Variants in BTAF1 observed in about 807,000 individuals in gnomAD.
BTAF1 encodes the protein TATA-binding protein-associated factor 172.
Under a neutral mutation model 227.1 loss-of-function variants are expected in BTAF1, and 38 were observed. The observed-to-expected ratio is 0.17, with a 90% CI of 0.13 to 0.22. The LOEUF (loss-of-function observed/expected upper bound fraction) is 0.22, where lower values mean the gene tolerates loss of function less well. Ranked by LOEUF, BTAF1 falls within the 10% of genes least tolerant of loss-of-function variation. BTAF1 has a pLI of 1.00. For missense variants in BTAF1, 1,598 were observed against 2,204.0 expected (o/e 0.73, Z 5.51); for synonymous variants, 742 against 751.9 (o/e 0.99, Z 0.21).
intron 1 of BTAF1, among the ~76,000 whole-genome samples, chr10:91,924,381 C>G (rs939762219): frequency 1.3e-5 from 2 of 152,106 alleles, no homozygotes; most frequent in African/African-American, 4.8e-5. Flanking sequence ...TTCCCTCTTT[C>G]GATTCTAGGG....
chr10:91,940,412 T>C (rs982777888), intron 3 of BTAF1, among the ~76,000 whole-genome samples: 1 of 152,156 alleles, frequency 6.6e-6, no homozygotes, highest in South Asian at 2.1e-4. Flanking sequence ...GCTGGGAGAA[T>C]AGTATAGGGT....
chr10:91,944,214 C>G lies in BTAF1; in HGVS notation c.400+1646C>G, dbSNP rs145835669. 9.9e-5 allele frequency among the ~76,000 whole-genome samples: 15 copies of G among 151,880 alleles called. No individual in the cohort carries two copies. In the East Asian group the frequency reaches 2.1e-3, roughly 22 times the overall value. On this transcript the variant is annotated intron_variant, in intron 4 of 37. Transcript: ENST00000265990. ...TCTGATATGTAACCAGGATTGGGAACTGCAGTTTCTTGGGAACTCAGTTTT... is the reference window on the plus strand; with the variant it reads ...TCTGATATGTAACCAGGATTGGGAAGTGCAGTTTCTTGGGAACTCAGTTTT...
At chr10:92,003,179 G>C (rs959183226) in intron 25 of BTAF1, among the ~76,000 whole-genome samples, 1 of 150,852 alleles carries the variant, frequency 6.6e-6, no homozygotes. Context: ...AAGTTACGGC[G>C]TCCAACATGA....
intron 26 of BTAF1, 100 bp downstream of exon 26, chr10:92,008,375 G>T: frequency 3.4e-6 from 4 of 1,171,956 alleles, no homozygotes; most frequent in African/African-American, 1.6e-5. Flanking sequence ...ACAGAGTCTT[G>T]CTCTGTTGCC....
At chr10:91,942,675 GTAAA>G in intron 4 of BTAF1, 107 bp downstream of exon 4, 1 of 1,297,276 alleles carries the variant, frequency 7.7e-7, no homozygotes, top group Non-Finnish European at 1.1e-6. Context: ...GTCATGAAAT[GTAAA>G]TTAACTGAAG....
At chr10:91,931,946 A>G (rs1844301367) in intron 1 of BTAF1, among the ~76,000 whole-genome samples, 1 of 152,198 alleles carries the variant, frequency 6.6e-6, no homozygotes, top group Non-Finnish European at 1.5e-5. Context: ...TACCATCCAA[A>G]GTGGAAGAAG....
intron 22 of BTAF1, 103 bp downstream of exon 22, chr10:91,993,950 A>T: frequency 1.2e-6 from 1 of 841,164 alleles, no homozygotes; most frequent in Non-Finnish European, 1.6e-6. Context: ...CTACCTGTTT[A>T]TTCCAGACCA....
chr10:92,022,870 G>C (rs1851239711), intron 34 of BTAF1, among the ~76,000 whole-genome samples: 1 of 152,176 alleles, frequency 6.6e-6, no homozygotes, highest in Non-Finnish European at 1.5e-5. Flanking sequence ...TGTTTATTTG[G>C]AGGAATGTCT....
rs200656344 is a variant in BTAF1, at chr10:91,951,454, A to G, written c.452A>G (p.Lys151Arg). The change falls in exon 5 of 38, where the codon AAG becomes AGG. Residue 151 changes from lysine (K) to arginine (R), a missense_variant. Around this residue, in one of 10 missense-constraint regions of BTAF1, gnomAD observed 298 missense variants for 395.2 expected, o/e 0.75. Transcript: ENST00000265990. ...GCACGCCAACGAAAATTATTACAGA[A>G]GAAACTTGGCCTTAATATGGGAGAA... ...RIARQRKLLQ[K>R]KLGLNMGEAI... The G allele has an allele frequency of 6.2e-7, 1 of 1,613,200 alleles. No homozygotes were observed. Among genetic ancestry groups the G allele is most frequent in the East Asian group, 2.2e-5 (1 of 44,812 alleles).
At chr10:91,944,483 A>C (rs746041472) in intron 4 of BTAF1, among the ~76,000 whole-genome samples, 9 of 152,216 alleles carry the variant, frequency 5.9e-5, no homozygotes, top group Middle Eastern at 3.2e-3. Context: ...GGTTGTGATC[A>C]AGCAGTCTTT....
intron 15 of BTAF1, 56 bp from the exon 16 acceptor site, chr10:91,981,581 AAGTGTT>A: frequency 6.8e-7 from 1 of 1,464,890 alleles, no homozygotes; most frequent in Non-Finnish European, 9.1e-7. Context: ...TCCTAAAGAT[AAGTGTT>A]AGAGTTTATT....
Position 92,018,799 on chromosome 10 carries a change from G to A in BTAF1, c.4727G>A (p.Arg1576His), listed in dbSNP as rs1315803278. ...CTCTTGAAGGCATTACAGTACTTACGTAAACTGTGCAACCATCCAGCATTA... is the reference window on the plus strand; with the variant it reads ...CTCTTGAAGGCATTACAGTACTTACATAAACTGTGCAACCATCCAGCATTA... ...GHVFQALQYL[R>H]KLCNHPALVL... is the part of the protein sequence containing the mutation. Residue 1576 changes from arginine to histidine, a missense_variant, in exon 34 of 38, where the codon CGT (arginine) becomes CAT (histidine). Coordinates refer to ENST00000265990, the MANE Select transcript of BTAF1 (RefSeq NM_003972.3). The A allele has an allele frequency of 1.3e-6, 2 of 1,579,620 alleles. No homozygotes were observed. Among genetic ancestry groups the A allele is most frequent in the Non-Finnish European group, 1.7e-6 (2 of 1,167,978 alleles).
chr10:91,969,197 A>G (rs1847125365), intron 14 of BTAF1, among the ~76,000 whole-genome samples: 1 of 151,898 alleles, frequency 6.6e-6, no homozygotes, highest in African/African-American at 2.4e-5. Context: ...AAGCCCTTTT[A>G]TTCCTTATTA....
rs1846158976 is a variant in BTAF1 at position 91,957,119 on chromosome 10, C to G, written c.832-106C>G. The G allele has an allele frequency of 1.5e-5, 11 of 747,448 alleles. No individual in the cohort carries two copies. In the South Asian group the frequency reaches 2.0e-4, roughly 14 times the overall value. 46.3% of individuals were successfully genotyped at this position (747,448 alleles called of 1,614,324 possible). A position where few individuals can be genotyped will look rare whatever the true frequency, so the allele number is the denominator to read the frequency against. On this transcript the variant is annotated intron_variant, in intron 7 of 37. Coordinates refer to ENST00000265990, the MANE Select transcript of BTAF1 (RefSeq NM_003972.3). ...GTTAAAAAAATTAAATTTTTAAAAG[C>G]CTGATTGCTACTACTAGACCTAGAA...
chr10:91,962,597 T>C lies in BTAF1; in HGVS notation c.1323T>C (p.Asp441=). Residue 441 remains aspartate (D), a synonymous_variant, in exon 12 of 38, where the codon GAT becomes GAC. Coordinates refer to ENST00000265990, the MANE Select transcript of BTAF1 (RefSeq NM_003972.3). The part of the protein sequence containing the change: ...VLTRIIEGLQ[D]LDDDVRAVAA... ...CTAGAATAATTGAAGGACTCCAGGA[T>C]CTTGATGATGATGTCAGAGCTGTTG... The C allele has an allele frequency of 1.2e-6, 2 of 1,608,838 alleles. No individual in the cohort carries two copies. Among genetic ancestry groups the C allele is most frequent in the Non-Finnish European group, 1.7e-6 (2 of 1,175,936 alleles).
chr10:91,975,088 G>A (rs546227060), intron 14 of BTAF1, among the ~76,000 whole-genome samples: 2 of 152,144 alleles, frequency 1.3e-5, no homozygotes, highest in Non-Finnish European at 2.9e-5. Flanking sequence ...ACTGGTAACT[G>A]TTGTTGCCAG....
intron 11 of BTAF1, 85 bp downstream of exon 11, chr10:91,960,239 A>G (rs540646789): frequency 7.2e-7 from 1 of 1,395,178 alleles, no homozygotes; most frequent in South Asian, 1.4e-5. Context: ...AAATGGCCGT[A>G]GATTCTTACT....
At chr10:91,936,424 C>CCCAGATATGGGGAGCAATATGATTGT (rs2133796275) in intron 2 of BTAF1, among the ~76,000 whole-genome samples, 1 of 152,214 alleles carries the variant, frequency 6.6e-6, no homozygotes, top group East Asian at 1.9e-4. Flanking sequence ...AATATGATTG[C>CCCAGATATGGGGAGCAATATGATTGT]CCAGATATAG....
At chr10:91,974,173 G>C (rs1847522604) in intron 14 of BTAF1, among the ~76,000 whole-genome samples, 1 of 152,152 alleles carries the variant, frequency 6.6e-6, no homozygotes, top group Non-Finnish European at 1.5e-5. Context: ...AATTTTTCAA[G>C]GTCAGACTTG....
Sources: gnomAD v4.1 joint callset for allele counts (sites outside exome capture counted in the v4.1 genomes callset) on GRCh38, gnomAD v4.1.1 for gene constraint, gnomAD v4.1.1 regional missense constraint, MANE v1.5 for transcripts, NCBI Gene and HGNC (gene_info 2026-07-23, HGNC 2026-07-21) for gene names.